Variants in PPP1R12A observed in about 807,000 individuals in gnomAD.
PPP1R12A encodes myosin binding subunit.
PPP1R12A carries 19 observed loss-of-function variants against 139.6 expected under a neutral mutation model. The observed-to-expected ratio is 0.14, with a 90% CI of 0.09 to 0.20. The LOEUF (loss-of-function observed/expected upper bound fraction) is 0.20, where lower values mean the gene tolerates loss of function less well. PPP1R12A is among the 10% of genes least tolerant of loss of function. The pLI, the probability that PPP1R12A is intolerant of heterozygous loss-of-function variation, is 1.00. For synonymous variants in PPP1R12A, 427 were observed against 420.6 expected, an observed-to-expected ratio of 1.02 and a Z score of -0.19; for missense variants, 925 against 1,211.5, an observed-to-expected ratio of 0.76 and a Z score of 3.51.
At chr12:79,808,168 G>T (rs1266932836) in intron 11 of PPP1R12A, among the ~76,000 whole-genome samples, 2 of 151,856 alleles carry the variant, frequency 1.3e-5, no homozygotes, top group Admixed American at 6.6e-5. Context: ...AAATGATTAA[G>T]TAAGGGCTTT....
chr12:79,846,459 T>C (rs1165238223), intron 2 of PPP1R12A, among the ~76,000 whole-genome samples: 1 of 152,082 alleles, frequency 6.6e-6, no homozygotes, highest in Non-Finnish European at 1.5e-5. Context: ...AGACAGAGTC[T>C]CGCTTTGTCA....
intron 1 of PPP1R12A, among the ~76,000 whole-genome samples, chr12:79,924,632 T>A (rs965281437): frequency 6.6e-6 from 1 of 151,946 alleles, no homozygotes; most frequent in African/African-American, 2.4e-5. Context: ...TCTCACTTTG[T>A]TGCCCAAGCC....
chr12:79,870,924 C>A (rs1236513267), intron 2 of PPP1R12A, among the ~76,000 whole-genome samples: 1 of 152,196 alleles, frequency 6.6e-6, no homozygotes, highest in Non-Finnish European at 1.5e-5. Context: ...AACTGGAGGG[C>A]TCTCTGGGAA....
chr12:79,890,379 TTGAG>T (rs748738893), intron 1 of PPP1R12A, among the ~76,000 whole-genome samples: 3 of 152,156 alleles, frequency 2.0e-5, no homozygotes, highest in African/African-American at 4.8e-5. Flanking sequence ...AAGCAACTAA[TTGAG>T]TAAGTCCAAA....
intron 1 of PPP1R12A, among the ~76,000 whole-genome samples, chr12:79,881,841 A>G (rs1883668573): frequency 6.6e-6 from 1 of 152,196 alleles, no homozygotes; most frequent in Non-Finnish European, 1.5e-5. Context: ...TTAAGTTTGA[A>G]GCCAGTGCTC....
chr12:79,908,944 A>C (rs562849696), intron 1 of PPP1R12A, among the ~76,000 whole-genome samples: 6 of 152,308 alleles, frequency 3.9e-5, no homozygotes, highest in African/African-American at 1.4e-4. Context: ...AAGTTTCTGG[A>C]ACACCCCATT....
rs775066159 is a variant in PPP1R12A at position 79,798,557 on chromosome 12, T to C, written c.2028A>G (p.Glu676=). ...RRSYLTPVRD[E]ESESQRKARS... ...TTGCTTTTCTTTGGGATTCAGACTC[T>C]TCATCCCTAACAGGAGTGAGGTATG... is the stretch of plus-strand genomic sequence containing the variant. The change falls in exon 15 of 25, where the codon GAA becomes GAG. Residue 676 remains glutamate, a synonymous_variant. Transcript: ENST00000450142. 2 of 1,568,556 alleles carry C rather than the reference T, an allele frequency of 1.3e-6. No individual in the cohort carries two copies. The highest frequency in any genetic ancestry group is 1.7e-6 in the Non-Finnish European group (2 of 1,153,624).
chr12:79,797,416 ATATAAT>A, intron 15 of PPP1R12A, 21 bp from the exon 16 acceptor site: 1 of 1,551,306 alleles, frequency 6.4e-7, no homozygotes. Flanking sequence ...AAAAAGATCA[ATATAAT>A]TATGAGATGC....
chr12:79,793,673 A>G (rs1411033986), intron 19 of PPP1R12A, 190 bp downstream of exon 19: 3 of 502,708 alleles, frequency 6.0e-6, no homozygotes, highest in African/African-American at 2.0e-5. Flanking sequence ...CATCACCTCC[A>G]AAACATTATT....
At chr12:79,888,366 A>C (rs934378046) in intron 1 of PPP1R12A, among the ~76,000 whole-genome samples, 2 of 152,180 alleles carry the variant, frequency 1.3e-5, no homozygotes, top group Admixed American at 1.3e-4. Context: ...TGAACCACTG[A>C]TACCCACAGT....
rs548975589 is a variant in PPP1R12A, at chr12:79,806,522, G to T, written c.1656-189C>A. 3.9e-5 allele frequency among the ~76,000 whole-genome samples: 6 copies of T among 152,244 alleles called. No homozygotes were observed. The East Asian group carries it at 1.2e-3, about 29-fold the overall frequency. On this transcript the variant is annotated intron_variant, in intron 12 of 24. Coordinates refer to ENST00000450142, the MANE Select transcript of PPP1R12A (RefSeq NM_002480.3). ...AGTTTAGAAGATTTCACTTAATTCG[G>T]TAGTGTATCATTTTAGTGCCTCCTC...
chr12:79,831,746 G>T (rs1877458328), intron 4 of PPP1R12A, among the ~76,000 whole-genome samples: 1 of 152,072 alleles, frequency 6.6e-6, no homozygotes. Context: ...GCCAATATTT[G>T]CATTGCAGAA....
At chr12:79,879,146 G>A (rs1252673104) in intron 1 of PPP1R12A, among the ~76,000 whole-genome samples, 1 of 152,170 alleles carries the variant, frequency 6.6e-6, no homozygotes, top group Non-Finnish European at 1.5e-5. Context: ...TTGGGAGGCT[G>A]AGGTAGGCAG....
At chr12:79,871,612 C>T (rs1047227169) in intron 2 of PPP1R12A, among the ~76,000 whole-genome samples, 1 of 152,110 alleles carries the variant, frequency 6.6e-6, no homozygotes, top group South Asian at 2.1e-4. Flanking sequence ...TTGATAGTGA[C>T]TGAGGAGGCA....
chr12:79,897,826 T>C (rs1291385131), intron 1 of PPP1R12A, among the ~76,000 whole-genome samples: 1 of 152,210 alleles, frequency 6.6e-6, no homozygotes, highest in Non-Finnish European at 1.5e-5. Flanking sequence ...AGGCTTTACT[T>C]GCCTCCTCTT....
At chr12:79,903,805 T>G (rs1885856638) in intron 1 of PPP1R12A, among the ~76,000 whole-genome samples, 1 of 152,090 alleles carries the variant, frequency 6.6e-6, no homozygotes, top group South Asian at 2.1e-4. Flanking sequence ...AACTCACAGC[T>G]CTTCAAAAAA....
intron 2 of PPP1R12A, among the ~76,000 whole-genome samples, chr12:79,866,465 G>T (rs1881973661): frequency 6.6e-6 from 1 of 152,174 alleles, no homozygotes. Flanking sequence ...AGCCAAAATT[G>T]ACAAATGGGA....
chr12:79,806,448 A>AT, intron 12 of PPP1R12A, 115 bp from the exon 13 acceptor site: 1 of 877,986 alleles, frequency 1.1e-6, no homozygotes, highest in Non-Finnish European at 1.7e-6. Flanking sequence ...CTGTGTTCCT[A>AT]AATACACCAC....
At chr12:79,843,611 AATATAGATATAG>A (rs200027074) in intron 3 of PPP1R12A, among the ~76,000 whole-genome samples, 19,232 of 134,812 alleles carry the variant, frequency 0.14, 1,459 homozygotes, top group Admixed American at 0.2. Context: ...CTCAAAAAAA[AATATAGATATAG>A]ATATAGATAT....
Sources: allele counts gnomAD v4.1 joint callset (sites outside exome capture counted in the v4.1 genomes callset), GRCh38; gene constraint gnomAD v4.1.1; transcripts MANE v1.5; gene names NCBI Gene and HGNC (gene_info 2026-07-23, HGNC 2026-07-21).